GSK3B: variants seen among roughly 807,000 people sequenced by gnomAD.
GSK3B encodes the protein glycogen synthase kinase-3 beta.
A neutral mutation model predicts 56.4 loss-of-function variants in GSK3B; 15 were observed. The ratio of observed to expected loss-of-function variants is 0.27; its 90% CI spans 0.18 to 0.41. GSK3B has a LOEUF of 0.41. Ranked by LOEUF, GSK3B falls within the 10% of genes least tolerant of loss-of-function variation. The pLI is 1.00. For missense variants in GSK3B, 300 were observed against 513.4 expected (o/e 0.58, Z 4.02); for synonymous variants, 181 against 188.9 (o/e 0.96, Z 0.34).
intron 2 of GSK3B, among the ~76,000 whole-genome samples, chr3:119,970,737 A>G (rs1267410688): frequency 6.6e-6 from 1 of 152,038 alleles, no homozygotes; most frequent in Non-Finnish European, 1.5e-5. Context: ...CAGTGAGCTG[A>G]GATCGCGCCA....
chr3:119,979,510 C>T (rs1029406699), intron 2 of GSK3B, among the ~76,000 whole-genome samples: 5 of 152,148 alleles, frequency 3.3e-5, no homozygotes, highest in Admixed American at 6.5e-5. Flanking sequence ...CATTCAAAAA[C>T]CACCTCTGCC....
intron 1 of GSK3B, among the ~76,000 whole-genome samples, chr3:120,088,915 T>C (rs1018709192): frequency 1.3e-5 from 2 of 152,244 alleles, no homozygotes; most frequent in African/African-American, 2.4e-5. Context: ...ACTGTGACAA[T>C]AGGGTCAACA....
intron 3 of GSK3B, among the ~76,000 whole-genome samples, chr3:119,930,922 C>A (rs1285174248): frequency 6.6e-6 from 1 of 152,160 alleles, no homozygotes; most frequent in Admixed American, 6.5e-5. Flanking sequence ...CAAAGGAAGG[C>A]TAATGAAAGC....
chr3:120,093,521 T>G lies in GSK3B; in HGVS notation c.-87A>C. 1.2e-6 allele frequency: 1 copy of G among 848,070 alleles called. No individual in the cohort carries two copies. Among genetic ancestry groups the G allele is most frequent in the Non-Finnish European group, 2.0e-6 (1 of 498,608 alleles). 52.5% of individuals were successfully genotyped at this position (848,070 alleles called of 1,614,324 possible). On this transcript the variant is annotated 5_prime_UTR_variant, in exon 1 of 11. Transcript: ENST00000264235. ...GTTGGGGTGTTAGGTTAACGATAAA[T>G]GCAGCATTAAGTTCTCCCACAGAAG...
At chr3:119,907,610 T>C (rs77072942) in intron 6 of GSK3B, among the ~76,000 whole-genome samples, 1 of 152,068 alleles carries the variant, frequency 6.6e-6, no homozygotes, top group Admixed American at 6.6e-5. Context: ...AAAATAGAAA[T>C]AGTGCTTTGG....
At chr3:119,946,960 T>A (rs1259874173) in intron 3 of GSK3B, among the ~76,000 whole-genome samples, 1 of 151,910 alleles carries the variant, frequency 6.6e-6, no homozygotes, top group East Asian at 1.9e-4. Flanking sequence ...ATCAGAGGGC[T>A]GCGTAAGCAC....
intron 2 of GSK3B, among the ~76,000 whole-genome samples, chr3:119,961,309 C>T (rs1218901121): frequency 7.9e-5 from 12 of 152,150 alleles, no homozygotes; most frequent in African/African-American, 2.9e-4. Flanking sequence ...CTAATCTCTT[C>T]CTCATTGTTG....
At chr3:120,068,009 G>C (rs968216658) in intron 1 of GSK3B, among the ~76,000 whole-genome samples, 14 of 152,200 alleles carry the variant, frequency 9.2e-5, no homozygotes, top group Admixed American at 6.5e-4. Context: ...TCATGGTGCT[G>C]TATTTGTATT....
intron 7 of GSK3B, among the ~76,000 whole-genome samples, chr3:119,886,575 A>G (rs1306904174): frequency 2.0e-5 from 3 of 152,098 alleles, no homozygotes; most frequent in Non-Finnish European, 4.4e-5. Context: ...AACCATTTGC[A>G]TGTTCACCAC....
At chr3:119,980,929 T>C (rs1332034739) in intron 2 of GSK3B, among the ~76,000 whole-genome samples, 1 of 152,184 alleles carries the variant, frequency 6.6e-6, no homozygotes, top group Non-Finnish European at 1.5e-5. Context: ...AGTTGAGGCA[T>C]GTCAAGGATT....
intron 1 of GSK3B, among the ~76,000 whole-genome samples, chr3:120,072,455 T>C (rs2058334500): frequency 6.6e-6 from 1 of 151,806 alleles, no homozygotes; most frequent in South Asian, 2.1e-4. Flanking sequence ...GGCATGGTGG[T>C]ACGTGCCTGT....
At chr3:119,985,808 T>C (rs1286241947) in intron 2 of GSK3B, among the ~76,000 whole-genome samples, 1 of 152,182 alleles carries the variant, frequency 6.6e-6, no homozygotes, top group East Asian at 1.9e-4. Flanking sequence ...TACCAATGAC[T>C]TTCTTCACAG....
chr3:119,944,297 G>A (rs566175382), intron 3 of GSK3B, among the ~76,000 whole-genome samples: 60 of 152,070 alleles, frequency 3.9e-4, no homozygotes, highest in Non-Finnish European at 4.6e-4. Context: ...TCTCTTCATG[G>A]AGGGTTTCTT....
chr3:120,003,457 C>T (rs1339683313), intron 1 of GSK3B, among the ~76,000 whole-genome samples: 2 of 152,276 alleles, frequency 1.3e-5, no homozygotes, highest in East Asian at 3.9e-4. Context: ...AATCTAAAAC[C>T]AATTCTCAGT....
At chr3:119,899,635 A>G (rs1425370195) in intron 7 of GSK3B, among the ~76,000 whole-genome samples, 2 of 152,126 alleles carry the variant, frequency 1.3e-5, no homozygotes, top group African/African-American at 4.8e-5. Flanking sequence ...ATTTAGACAA[A>G]CATTTGTAAC....
chr3:119,976,216 T>C (rs1352511770), intron 2 of GSK3B, among the ~76,000 whole-genome samples: 2 of 152,180 alleles, frequency 1.3e-5, no homozygotes, highest in Non-Finnish European at 2.9e-5. Context: ...TGTGATTCCA[T>C]TCCTAGGAAC....
chr3:119,870,670 G>A (rs1229973547), intron 8 of GSK3B, among the ~76,000 whole-genome samples: 2 of 152,166 alleles, frequency 1.3e-5, no homozygotes, highest in East Asian at 3.8e-4. Flanking sequence ...GAAAGGGAGA[G>A]GAAGTGATTA....
At chr3:119,961,135 G>C (rs72969116) in intron 2 of GSK3B, among the ~76,000 whole-genome samples, 1,843 of 152,002 alleles carry the variant, frequency 0.012, 34 homozygotes, top group African/African-American at 0.042. Context: ...TCCCATTCCT[G>C]AGAATAGAGC....
At chr3:120,041,403 A>G in intron 1 of GSK3B, 1 of 270,662 alleles carries the variant, frequency 3.7e-6, no homozygotes, top group Non-Finnish European at 7.9e-6. Context: ...CCCATACTAC[A>G]AGAATACAAA....
Sources: gnomAD v4.1 joint callset for allele counts (sites outside exome capture counted in the v4.1 genomes callset) on GRCh38, gnomAD v4.1.1 for gene constraint, MANE v1.5 for transcripts, NCBI Gene and HGNC (gene_info 2026-07-23, HGNC 2026-07-21) for gene names.